Variants in IQSEC1 observed in about 807,000 individuals in gnomAD.
IQSEC1 encodes IQ motif and SEC7 domain-containing protein 1.
Under a neutral mutation model 91.0 loss-of-function variants are expected in IQSEC1, and 31 were observed. The observed-to-expected ratio is 0.34, with a 90% CI of 0.26 to 0.46. IQSEC1 has a LOEUF of 0.46. IQSEC1 is among the 20% of genes least tolerant of loss of function. The probability of loss-of-function intolerance (pLI) is 1.00; values close to 1 mark genes in which losing one functional copy is unlikely to be tolerated. For missense variants in IQSEC1, 1,388 were observed against 1,575.6 expected, an observed-to-expected ratio of 0.88 and a Z score of 2.02; for synonymous variants, 699 against 662.6, an observed-to-expected ratio of 1.05 and a Z score of -0.84.
intron 1 of IQSEC1, among the ~76,000 whole-genome samples, chr3:13,197,408 C>A (rs1239688745): frequency 2.0e-5 from 3 of 152,176 alleles, no homozygotes; most frequent in Non-Finnish European, 2.9e-5. Flanking sequence ...CCCAGCCTGG[C>A]AGACAGGACG....
In IQSEC1 at chr3:12,967,649, C is replaced by T. The variant is rs1163835503; in HGVS notation, c.24-25784G>A. 13 of 1,202,194 alleles carry T rather than the reference C, an allele frequency of 1.1e-5. No individual in the cohort carries two copies. In the South Asian group the frequency reaches 1.2e-4, roughly 11 times the overall value. The allele number at this position is 1,202,194 out of a possible 1,614,324, so 74.5% of individuals were successfully genotyped here. On this transcript the variant is annotated intron_variant, in intron 1 of 13. Transcript: ENST00000613206. The surrounding 1 kb of genome is among the most constrained non-coding windows in gnomAD (Gnocchi z 5.9). ...CGCGGCTCCGGCCCCAAGTCCGAGC[C>T]CCAGGCCAGCCAAGCCCGCCCCTCC...
intron 1 of IQSEC1, among the ~76,000 whole-genome samples, chr3:13,200,943 G>A (rs1694233240): frequency 6.6e-6 from 1 of 152,158 alleles, no homozygotes. Context: ...CATGCACCTG[G>A]AAACAGAAGT....
intron 2 of IQSEC1, among the ~76,000 whole-genome samples, chr3:13,087,607 A>G (rs1705757883): frequency 6.6e-6 from 1 of 152,214 alleles, no homozygotes; most frequent in Non-Finnish European, 1.5e-5. Context: ...TTTTTAGTTA[A>G]ATGCATTTGA....
rs1350536233 is a variant in IQSEC1 at position 13,259,777 on chromosome 3, C to T, written c.272+22934G>A. ...TTCCACCTCTGGTCATCCACAGATG[C>T]CACAAGGGGATGCAAGCCATGCAGC... On this transcript the variant is annotated intron_variant, in intron 1 of 15. Coordinates refer to the IQSEC1 transcript ENST00000648114. This position sits in a 1 kb window ranked among gnomAD's most constrained non-coding sequence, Gnocchi z 4.6. Among the ~76,000 whole-genome samples, 1 of 152,226 alleles carries T rather than the reference C, an allele frequency of 6.6e-6. No individual in the cohort carries two copies. The highest frequency in any genetic ancestry group is 1.5e-5 in the Non-Finnish European group (1 of 68,050).
chr3:13,136,465 T>C (rs557472177), intron 2 of IQSEC1, among the ~76,000 whole-genome samples: 62 of 152,264 alleles, frequency 4.1e-4, no homozygotes, highest in Non-Finnish European at 7.4e-4. Context: ...GCATTCCTAT[T>C]TACCAGACAC....
chr3:12,900,002 C>G lies in IQSEC1; in HGVS notation c.*981G>C. 1.4e-5 allele frequency: 14 copies of G among 985,332 alleles called. No individual in the cohort carries two copies. The highest frequency in any genetic ancestry group is 1.7e-5 in the Non-Finnish European group (14 of 829,926). 61.0% of individuals were successfully genotyped at this position (985,332 alleles called of 1,614,324 possible). The stretch of plus-strand genomic sequence containing the variant: ...TCATGGAGAGTCACAGTTATCGCAG[C>G]CATTAAAGTGTCTAAGAATCCGTGT... On this transcript the variant is annotated 3_prime_UTR_variant, in exon 14 of 14. Transcript: ENST00000613206.
At chr3:13,128,497 G>A (rs1706554567) in intron 2 of IQSEC1, among the ~76,000 whole-genome samples, 2 of 152,312 alleles carry the variant, frequency 1.3e-5, no homozygotes, top group South Asian at 4.1e-4. Flanking sequence ...TTGCATGTCT[G>A]GAATAAATCC....
intron 1 of IQSEC1, among the ~76,000 whole-genome samples, chr3:12,966,701 C>A (rs1445859064): frequency 2.6e-5 from 4 of 152,176 alleles, no homozygotes; most frequent in Admixed American, 2.6e-4. Flanking sequence ...CCCCTCACAT[C>A]CACACTCTGC....
chr3:13,197,343 T>C (rs1287910677), intron 1 of IQSEC1, among the ~76,000 whole-genome samples: 1 of 152,144 alleles, frequency 6.6e-6, no homozygotes. Context: ...CCAGGGGCGC[T>C]GGAGGGTGGG....
At chr3:12,936,936 CT>C (rs1163135062) in intron 2 of IQSEC1, among the ~76,000 whole-genome samples, 424 of 144,010 alleles carry the variant, frequency 2.9e-3, no homozygotes, top group Middle Eastern at 0.011. Context: ...TCTCAGACCT[CT>C]TTTTTTTTTT....
intron 1 of IQSEC1, among the ~76,000 whole-genome samples, chr3:13,186,400 G>A (rs944874236): frequency 5.9e-5 from 9 of 152,122 alleles, no homozygotes; most frequent in African/African-American, 2.4e-5. Flanking sequence ...TGAAAAGTCT[G>A]ACAAAAAGGG....
intron 1 of IQSEC1, among the ~76,000 whole-genome samples, chr3:13,202,145 C>T (rs1173884087): frequency 6.6e-6 from 1 of 152,224 alleles, no homozygotes; most frequent in Non-Finnish European, 1.5e-5. Flanking sequence ...TATCAAAAAA[C>T]AGATGCTAAC....
chr3:13,236,548 C>G (rs1425547245), intron 1 of IQSEC1, among the ~76,000 whole-genome samples: 1 of 152,210 alleles, frequency 6.6e-6, no homozygotes, highest in Non-Finnish European at 1.5e-5. Flanking sequence ...CACTACCTGT[C>G]AAGGGCCTTC....
chr3:12,919,024 C>T (rs1009424692), intron 6 of IQSEC1, among the ~76,000 whole-genome samples: 35 of 152,270 alleles, frequency 2.3e-4, no homozygotes, highest in Admixed American at 9.1e-4. Context: ...AGGGGTCATG[C>T]GGAGGTCTGT....
Position 12,919,760 on chromosome 3 carries a change from C to T in IQSEC1, c.2020+670G>A, listed in dbSNP as rs575181383. On this transcript the variant is annotated intron_variant, in intron 6 of 13. Coordinates refer to ENST00000613206, the MANE Select transcript of IQSEC1 (RefSeq NM_001134382.3). ...GGATGCGGTGCCTTCCTCCTTCCTT[C>T]CGGGGACCCTGGGGCACACAGGGGA... is the stretch of plus-strand genomic sequence containing the variant. Among the ~76,000 whole-genome samples the T allele has an allele frequency of 2.0e-5, 3 of 152,366 alleles. No homozygotes were observed. The South Asian group carries it at 6.2e-4, about 32-fold the overall frequency.
intron 1 of IQSEC1, among the ~76,000 whole-genome samples, chr3:13,054,370 G>T (rs1704801202): frequency 6.6e-6 from 1 of 152,236 alleles, no homozygotes; most frequent in African/African-American, 2.4e-5. Flanking sequence ...AAGTTTCTCT[G>T]TTTGGGGCAG....
intron 1 of IQSEC1, among the ~76,000 whole-genome samples, chr3:13,003,749 T>C (rs1389005232): frequency 1.3e-5 from 2 of 152,186 alleles, no homozygotes; most frequent in Non-Finnish European, 2.9e-5. Flanking sequence ...ACTTTTAAGT[T>C]AGTTGTATTT....
intron 2 of IQSEC1, among the ~76,000 whole-genome samples, chr3:13,113,237 C>CA (rs1430245832): frequency 9.9e-5 from 15 of 151,136 alleles, no homozygotes; most frequent in South Asian, 8.4e-4. Context: ...CTGGGGGAGG[C>CA]AAAAAAAAGT....
chr3:12,944,434 C>T (rs1325889793), intron 1 of IQSEC1, among the ~76,000 whole-genome samples: 5 of 152,240 alleles, frequency 3.3e-5, no homozygotes, highest in African/African-American at 7.2e-5. Context: ...GCGTTGGCCT[C>T]GCCGGGAAGC....
Sources: gnomAD v4.1 joint callset for allele counts (sites outside exome capture counted in the v4.1 genomes callset) on GRCh38, gnomAD v4.1.1 for gene constraint, Gnocchi (gnomAD v3.1) non-coding constraint, MANE v1.5 for transcripts, NCBI Gene and HGNC (gene_info 2026-07-23, HGNC 2026-07-21) for gene names.